Variants in ODAD1 observed in about 807,000 individuals in gnomAD.
ODAD1 encodes outer dynein arm docking complex subunit 1, also known as outer dynein arm-docking complex subunit 1.
In ODAD1, 49 loss-of-function variants were observed where a neutral mutation model predicts 67.2. The observed-to-expected ratio is 0.73, with a 90% confidence interval of 0.58 to 0.92. The LOEUF (loss-of-function observed/expected upper bound fraction) is 0.92. Ranked by LOEUF, ODAD1 falls within the 40% of genes least tolerant of loss-of-function variation. The probability of loss-of-function intolerance (pLI) is 0.00; values close to 1 mark genes in which losing one functional copy is unlikely to be tolerated. For synonymous variants in ODAD1, 345 were observed against 393.7 expected, an observed-to-expected ratio of 0.88 and a Z score of 1.46; for missense variants, 897 against 953.7, an observed-to-expected ratio of 0.94 and a Z score of 0.78.
chr19:48,311,206 A>G (rs1424559693), intron 7 of ODAD1, among the ~76,000 whole-genome samples: 1 of 152,134 alleles, frequency 6.6e-6, no homozygotes, highest in African/African-American at 2.4e-5. Context: ...AGTGAGACTC[A>G]TCTCAAAACA....
At position 48,297,468 on chromosome 19, in the gene ODAD1, G is replaced by A. The variant is rs73585332; in HGVS notation, c.1632C>T (p.Ala544=). 4,793 of 1,601,156 alleles carry A rather than the reference G, an allele frequency of 3.0e-3. 131 individuals are homozygous for A. In the African/African-American group the frequency reaches 0.055, roughly 19 times the overall value. ...AEAQRQKDLA[A]AAAKLDGTLS... ...GGGTGCCGTCCAGCTTCGCGGCGGC[G>A]GCGGCCAGGTCCTTCTGGCGCTGCG... Residue 544 remains alanine (A), a synonymous_variant, in exon 16 of 16, where the codon GCC becomes GCT. Transcript: ENST00000674294.
rs776940748 is a variant in ODAD1, at chr19:48,298,334, T to A, written c.1247A>T (p.Gln416Leu). ...GQLEKLKADI[Q>L]LLFTKAHCDS... ...GCAATGGGCCTTGGTGAAGAGGAGC[T>A]GGATATCTGCGTCATGGAGGGCCGG... Residue 416 changes from glutamine (Q) to leucine (L), a missense_variant, in exon 13 of 16, where the codon CAG (glutamine) becomes CTG (leucine). Physicochemically the swap from Gln to Leu is moderately radical, Grantham distance 113 (BLOSUM62 -2). Coordinates refer to ENST00000674294, the MANE Select transcript of ODAD1 (RefSeq NM_001364171.2). The A allele has an allele frequency of 5.6e-6, 9 of 1,614,018 alleles. No homozygotes were observed. The East Asian group carries it at 6.7e-5, about 12-fold the overall frequency.
At chr19:48,315,343 G>A (rs1041698526) in intron 5 of ODAD1, among the ~76,000 whole-genome samples, 8 of 152,122 alleles carry the variant, frequency 5.3e-5, no homozygotes, top group Admixed American at 1.3e-4. Context: ...TCAGGAGTTC[G>A]AGACCAGCCT....
intron 3 of ODAD1, 22 bp downstream of exon 3, chr19:48,320,277 A>G (rs1224637074): frequency 8.1e-7 from 1 of 1,234,516 alleles, no homozygotes; most frequent in African/African-American, 1.5e-5. Flanking sequence ...TGGGTGAATG[A>G]TATAAAGAAT....
At position 48,312,194 on chromosome 19, in the gene ODAD1, C is replaced by T. The variant is rs879103588; in HGVS notation, c.361-78G>A. The T allele has an allele frequency of 2.6e-5, 28 of 1,089,792 alleles. No individual in the cohort carries two copies. The Admixed American group carries it at 3.8e-4, about 15-fold the overall frequency. The allele number at this position is 1,089,792 out of a possible 1,614,324, so 67.5% of individuals were successfully genotyped here. A position where few individuals can be genotyped will look rare whatever the true frequency, so the allele number is the denominator to read the frequency against. ...TGAATGGCCCAGGGAAAATGAGTCACTAAGCATGGCAAACATCTGCTGTCC... is the reference window on the plus strand; with the variant it reads ...TGAATGGCCCAGGGAAAATGAGTCATTAAGCATGGCAAACATCTGCTGTCC... On this transcript the variant is annotated intron_variant, in intron 5 of 15. Coordinates refer to ENST00000674294, the MANE Select transcript of ODAD1 (RefSeq NM_001364171.2).
chr19:48,312,151 C>T (rs1165031044), intron 5 of ODAD1, 35 bp from the exon 6 acceptor site: 6 of 1,539,410 alleles, frequency 3.9e-6, no homozygotes, highest in East Asian at 2.5e-5. Context: ...TTTTTGGTTG[C>T]CTGAATGTGG....
chr19:48,315,167 C>T (rs1046509886), intron 5 of ODAD1, among the ~76,000 whole-genome samples: 2 of 151,802 alleles, frequency 1.3e-5, no homozygotes, highest in African/African-American at 4.8e-5. Flanking sequence ...CCTCCACCTC[C>T]CAGGCCAGGC....
intron 7 of ODAD1, among the ~76,000 whole-genome samples, chr19:48,306,658 T>A (rs1485724563): frequency 6.6e-6 from 1 of 152,194 alleles, no homozygotes; most frequent in Non-Finnish European, 1.5e-5. Context: ...AGAACCTTGT[T>A]AATGTTTTAC....
chr19:48,313,053 A>C (rs942851536), intron 5 of ODAD1, among the ~76,000 whole-genome samples: 4 of 152,206 alleles, frequency 2.6e-5, no homozygotes, highest in Admixed American at 2.6e-4. Context: ...GGTATTCAAC[A>C]TAACATGCAG....
At position 48,298,219 on chromosome 19, in the gene ODAD1, C is replaced by G. The variant is rs1405923980; in HGVS notation, c.1362G>C (p.Arg454=). Residue 454 remains arginine, a synonymous_variant, in exon 13 of 16, where the codon CGG becomes CGC. Transcript: ENST00000674294. The stretch of plus-strand genomic sequence containing the variant: ...CCTGCACTGTCAGGAGCTCCACCAG[C>G]CGCTTCTCAATGAGGCTCAGGAAGA... ...MGLFLSLIEK[R]LVELLTVQAF... The G allele has an allele frequency of 4.3e-6, 7 of 1,613,760 alleles. No homozygotes were observed. The South Asian group carries it at 7.7e-5, about 18-fold the overall frequency.
chr19:48,301,681 G>C (rs186135366), intron 12 of ODAD1, among the ~76,000 whole-genome samples: 56 of 152,274 alleles, frequency 3.7e-4, no homozygotes, highest in Non-Finnish European at 3.2e-4. Flanking sequence ...CAGATGGACA[G>C]ATAGACAATG....
chr19:48,315,470 G>A (rs1968873666), intron 5 of ODAD1, among the ~76,000 whole-genome samples: 1 of 152,156 alleles, frequency 6.6e-6, no homozygotes, highest in South Asian at 2.1e-4. Flanking sequence ...CTTGAACCCA[G>A]GAGGTGGAGA....
chr19:48,318,695 C>T lies in ODAD1; in HGVS notation c.170+18G>A, dbSNP rs1171251883. The T allele has an allele frequency of 1.1e-5, 17 of 1,541,898 alleles. No individual in the cohort carries two copies. Among genetic ancestry groups the T allele is most frequent in the Non-Finnish European group, 1.4e-5 (16 of 1,138,320 alleles). On this transcript the variant is annotated intron_variant, in intron 4 of 15. Coordinates refer to ENST00000674294, the MANE Select transcript of ODAD1 (RefSeq NM_001364171.2). Reference sequence around the variant, plus strand: ...TGACCCCCTCCTCCCCAGCTCAGGGCCCAGGCGCCCAGCTCACAGTTGCTT... The same window carrying T: ...TGACCCCCTCCTCCCCAGCTCAGGGTCCAGGCGCCCAGCTCACAGTTGCTT...
intron 5 of ODAD1, among the ~76,000 whole-genome samples, chr19:48,314,073 T>C (rs1320019306): frequency 1.3e-5 from 2 of 151,910 alleles, no homozygotes; most frequent in African/African-American, 2.4e-5. Context: ...CGAAACCCCA[T>C]CTCTACTAAA....
Position 48,298,243 on chromosome 19 carries a change from G to T in ODAD1, c.1338C>A (p.Leu446=), listed in dbSNP as rs575579848. The T allele has an allele frequency of 1.9e-6, 3 of 1,614,016 alleles. No homozygotes were observed. In the African/African-American group the frequency reaches 4.0e-5, roughly 22 times the overall value. The part of the protein sequence containing the change: ...KTSMGDRDMG[L]FLSLIEKRLV... ...GCCGCTTCTCAATGAGGCTCAGGAA[G>T]AGGCCCATGTCCCGGTCTCCCATGC... Residue 446 remains leucine (L), a synonymous_variant, in exon 13 of 16, where the codon CTC becomes CTA. Transcript: ENST00000674294.
Position 48,297,577 on chromosome 19 carries a change from G to GC in ODAD1, c.1581+12dup. ...CTGAGGCCTGGCCCCACCCCCGCAGGCCCCACTCTCACCAGCTTCTCCACT... is the reference window on the plus strand; with the variant it reads ...CTGAGGCCTGGCCCCACCCCCGCAGGCCCCCACTCTCACCAGCTTCTCCACT... On this transcript the variant is annotated intron_variant, in intron 15 of 15. Transcript: ENST00000674294. The GC allele has an allele frequency of 1.9e-6, 3 of 1,567,190 alleles. No homozygotes were observed.
Position 48,316,386 on chromosome 19 carries a change from A to ACC in ODAD1, c.360+2000_360+2001insGG, listed in dbSNP as rs1376257067. On this transcript the variant is annotated intron_variant, in intron 5 of 15. Transcript: ENST00000674294. ...CAGAGCGAGACTTCGTCAAAAAAAAAAAAACAAACCTGCCTAACTGTGCAA... is the reference window on the plus strand; with the variant it reads ...CAGAGCGAGACTTCGTCAAAAAAAAACCAAAACAAACCTGCCTAACTGTGCAA... 5.6e-3 allele frequency among the ~76,000 whole-genome samples: 855 copies of ACC among 152,058 alleles called. 9 individuals carry two copies. Among genetic ancestry groups the ACC allele is most frequent in the African/African-American group, 0.019 (801 of 41,466 alleles).
At chr19:48,317,227 T>TA (rs1968924584) in intron 5 of ODAD1, among the ~76,000 whole-genome samples, 1 of 151,520 alleles carries the variant, frequency 6.6e-6, no homozygotes, top group African/African-American at 2.4e-5. Context: ...TATATATATA[T>TA]TATTTGCTGA....
At chr19:48,313,047 T>C (rs984263781) in intron 5 of ODAD1, among the ~76,000 whole-genome samples, 1 of 152,194 alleles carries the variant, frequency 6.6e-6, no homozygotes, top group African/African-American at 2.4e-5. Context: ...AAAGAAGGTA[T>C]TCAACATAAC....
Sources: allele counts gnomAD v4.1 joint callset (sites outside exome capture counted in the v4.1 genomes callset), GRCh38; gene constraint gnomAD v4.1.1; transcripts MANE v1.5; gene names NCBI Gene and HGNC (gene_info 2026-07-23, HGNC 2026-07-21).